ADCK1: variants seen among roughly 807,000 people sequenced by gnomAD.
ADCK1 encodes the protein aarF domain containing kinase 1.
ADCK1 carries 41 observed loss-of-function variants against 52.3 expected under a neutral mutation model. The observed-to-expected ratio is 0.78, with a 90% CI of 0.61 to 1.02. The LOEUF (loss-of-function observed/expected upper bound fraction) is 1.02, where lower values mean the gene tolerates loss of function less well. ADCK1 is among the 50% of genes least tolerant of loss of function. The pLI is 0.00. For synonymous variants in ADCK1, 250 were observed against 274.6 expected, an observed-to-expected ratio of 0.91 and a Z score of 0.89; for missense variants, 658 against 679.5, an observed-to-expected ratio of 0.97 and a Z score of 0.35.
chr14:77,920,598 C>T (rs763329814), intron 7 of ADCK1, among the ~76,000 whole-genome samples: 2 of 152,132 alleles, frequency 1.3e-5, no homozygotes, highest in Non-Finnish European at 2.9e-5. Context: ...CCCTTATTAA[C>T]GAGTTAAAAA....
At chr14:77,801,889 C>A (rs940211042) in intron 1 of ADCK1, among the ~76,000 whole-genome samples, 1 of 151,940 alleles carries the variant, frequency 6.6e-6, no homozygotes, top group African/African-American at 2.4e-5. Context: ...TGCAGTGAGC[C>A]GAGATCGTGT....
intron 2 of ADCK1, among the ~76,000 whole-genome samples, chr14:77,822,220 G>A (rs1174128281): frequency 1.3e-5 from 2 of 152,196 alleles, no homozygotes; most frequent in African/African-American, 2.4e-5. Flanking sequence ...GGCAATTTTG[G>A]CGTGGGCCCC....
intron 7 of ADCK1, among the ~76,000 whole-genome samples, chr14:77,919,147 C>T (rs1228264397): frequency 1.3e-5 from 2 of 152,106 alleles, no homozygotes; most frequent in African/African-American, 4.8e-5. Context: ...TCCATCTCCT[C>T]GGTTCAAGCA....
At chr14:77,852,602 T>C (rs1220815582) in intron 3 of ADCK1, among the ~76,000 whole-genome samples, 1 of 78,890 alleles carries the variant, frequency 1.3e-5, no homozygotes, top group Non-Finnish European at 3.1e-5. Context: ...TATTAGTTTA[T>C]ACATTTAAAA....
intron 1 of ADCK1, among the ~76,000 whole-genome samples, chr14:77,805,236 T>G (rs1443504309): frequency 6.9e-6 from 1 of 144,282 alleles, no homozygotes; most frequent in Non-Finnish European, 1.5e-5. Context: ...AAAAGAGTCA[T>G]TTTTGGCTTT....
intron 3 of ADCK1, among the ~76,000 whole-genome samples, chr14:77,843,289 A>G (rs1418162449): frequency 2.0e-5 from 3 of 152,190 alleles, no homozygotes; most frequent in African/African-American, 4.8e-5. Flanking sequence ...CTGTGGCCTG[A>G]GCAAGCATGG....
chr14:77,926,387 A>G (rs887532392), intron 9 of ADCK1, among the ~76,000 whole-genome samples: 1 of 152,160 alleles, frequency 6.6e-6, no homozygotes, highest in Non-Finnish European at 1.5e-5. Context: ...CTCCCATCAC[A>G]TGGCTCCTCT....
intron 4 of ADCK1, among the ~76,000 whole-genome samples, chr14:77,868,041 T>C (rs3783965): frequency 0.032 from 4,851 of 152,320 alleles, 147 homozygotes; most frequent in South Asian, 0.12. Context: ...ATCCAGCACC[T>C]TGCCTGGTGC....
At chr14:77,895,309 C>G (rs2083385709) in intron 5 of ADCK1, among the ~76,000 whole-genome samples, 1 of 152,188 alleles carries the variant, frequency 6.6e-6, no homozygotes, top group Non-Finnish European at 1.5e-5. Flanking sequence ...CCACTAAAAC[C>G]TCAGAAATAG....
intron 4 of ADCK1, among the ~76,000 whole-genome samples, chr14:77,868,693 TC>T (rs1378636637): frequency 9.9e-5 from 15 of 152,144 alleles, no homozygotes; most frequent in African/African-American, 3.6e-4. Context: ...CATACCCACT[TC>T]CTGCAGATAA....
At chr14:77,827,476 G>C (rs1332352999) in intron 3 of ADCK1, among the ~76,000 whole-genome samples, 1 of 150,202 alleles carries the variant, frequency 6.7e-6, no homozygotes, top group Non-Finnish European at 1.5e-5. Flanking sequence ...TGCCCAAGGT[G>C]GTTTGAGTTA....
chr14:77,858,129 A>G (rs2140135193), intron 3 of ADCK1, among the ~76,000 whole-genome samples: 1 of 152,170 alleles, frequency 6.6e-6, no homozygotes, highest in East Asian at 1.9e-4. Flanking sequence ...CATACCCCCC[A>G]CTACAGTGAC....
At chr14:77,883,666 T>C (rs2083083650) in intron 4 of ADCK1, among the ~76,000 whole-genome samples, 1 of 152,106 alleles carries the variant, frequency 6.6e-6, no homozygotes. Flanking sequence ...TGCTTCCTGA[T>C]AGAGAAGGAA....
At chr14:77,851,258 C>T (rs1193688190) in intron 3 of ADCK1, among the ~76,000 whole-genome samples, 1 of 151,928 alleles carries the variant, frequency 6.6e-6, no homozygotes, top group African/African-American at 2.4e-5. Flanking sequence ...GCTGGGACTA[C>T]AGGTGCGTGC....
chr14:77,877,616 C>G (rs1424359535), intron 4 of ADCK1, among the ~76,000 whole-genome samples: 4 of 152,182 alleles, frequency 2.6e-5, no homozygotes, highest in Non-Finnish European at 5.9e-5. Context: ...ATTTCTGGCT[C>G]TCTCCAGTCT....
chr14:77,862,349 C>T (rs1297335151), intron 4 of ADCK1, among the ~76,000 whole-genome samples: 1 of 152,092 alleles, frequency 6.6e-6, no homozygotes, highest in Non-Finnish European at 1.5e-5. Context: ...GCCCTTGGGG[C>T]TGTGGGTCCA....
chr14:77,832,184 G>A (rs566233405), intron 3 of ADCK1, among the ~76,000 whole-genome samples: 29 of 152,092 alleles, frequency 1.9e-4, no homozygotes, highest in Admixed American at 1.6e-3. Context: ...CACCGTATTG[G>A]CCAGGCTGGT....
intron 5 of ADCK1, among the ~76,000 whole-genome samples, chr14:77,892,843 G>A (rs2083311615): frequency 2.6e-5 from 4 of 152,140 alleles, no homozygotes; most frequent in Admixed American, 2.6e-4. Context: ...CAGGATGATG[G>A]GGGAGATGGC....
intron 1 of ADCK1, among the ~76,000 whole-genome samples, chr14:77,808,010 A>C (rs8020702): frequency 0.014 from 2,071 of 152,290 alleles, 58 homozygotes; most frequent in African/African-American, 0.047. Flanking sequence ...GGTCAAGTGA[A>C]ACACAGACAC....
Sources: gnomAD v4.1 joint callset for allele counts (sites outside exome capture counted in the v4.1 genomes callset) on GRCh38, gnomAD v4.1.1 for gene constraint, MANE v1.5 for transcripts, NCBI Gene and HGNC (gene_info 2026-07-23, HGNC 2026-07-21) for gene names.